KLF3: variants seen among roughly 807,000 people sequenced by gnomAD.
KLF3 encodes Krueppel-like factor 3.
KLF3 carries 6 observed loss-of-function variants against 32.7 expected under a neutral mutation model. That is an observed-to-expected ratio of 0.18 (90% CI 0.10 to 0.36). The LOEUF (loss-of-function observed/expected upper bound fraction) is 0.36, where lower values mean the gene tolerates loss of function less well. KLF3 is among the 10% of genes least tolerant of loss of function. The probability of loss-of-function intolerance (pLI) is 1.00; values close to 1 mark genes in which losing one functional copy is unlikely to be tolerated. For synonymous variants in KLF3, 145 were observed against 172.8 expected (o/e 0.84, Z 1.26); for missense variants, 338 against 449.7 (o/e 0.75, Z 2.25).
At chr4:38,680,565 G>A (rs1394003261) in intron 1 of KLF3, 22 bp from the exon 2 acceptor site, 13 of 1,229,266 alleles carry the variant, frequency 1.1e-5, no homozygotes, top group Non-Finnish European at 1.6e-5. Flanking sequence ...GACTTAGATG[G>A]ATACCTTGTT....
At chr4:38,667,058 G>A (rs751868572) in intron 1 of KLF3, among the ~76,000 whole-genome samples, 4 of 152,186 alleles carry the variant, frequency 2.6e-5, no homozygotes, top group Non-Finnish European at 4.4e-5. Context: ...CACTTATGAT[G>A]TTTACTGTAT....
rs2069578540 is a variant in KLF3 at position 38,688,807 on chromosome 4, G to A, written c.280G>A (p.Gly94Arg). Residue 94 changes from glycine (G) to arginine (R), a missense_variant, in exon 3 of 6, where the codon GGG becomes AGG. Gly to Arg is a moderately radical substitution (Grantham distance 125). This residue lies in a region of KLF3 where 272 missense variants were observed against 313.4 expected (regional missense o/e 0.87). Transcript: ENST00000261438. The surrounding 1 kb of genome is among the most constrained non-coding windows in gnomAD (Gnocchi z 4.9). ...FPSSHRRASP[G>R]LSMPSSSPPI... ...GTCCTCACACCGGAGAGCCTCGCCTGGGTTGAGCATGCCTTCTTCCAGCCC... is the reference window on the plus strand; with the variant it reads ...GTCCTCACACCGGAGAGCCTCGCCTAGGTTGAGCATGCCTTCTTCCAGCCC... 2 of 1,614,086 alleles carry A rather than the reference G, an allele frequency of 1.2e-6. No homozygotes were observed. Among genetic ancestry groups the A allele is most frequent in the African/African-American group, 1.3e-5 (1 of 74,928 alleles).
intron 5 of KLF3, among the ~76,000 whole-genome samples, chr4:38,696,040 T>C (rs779098853): frequency 2.0e-5 from 3 of 152,026 alleles, no homozygotes; most frequent in Non-Finnish European, 4.4e-5. Flanking sequence ...TAGCCTTGTA[T>C]CTAGAGCAAC....
intron 4 of KLF3, among the ~76,000 whole-genome samples, chr4:38,693,117 CATAT>C (rs3841982): frequency 1.4e-5 from 2 of 137,972 alleles, no homozygotes; most frequent in African/African-American, 2.7e-5. Flanking sequence ...CATATATATA[CATAT>C]ATATATACGT....
intron 1 of KLF3, among the ~76,000 whole-genome samples, chr4:38,675,591 C>T (rs1476741545): frequency 6.6e-6 from 1 of 152,086 alleles, no homozygotes; most frequent in Admixed American, 6.5e-5. Context: ...CTGTGATACC[C>T]ACATAAAATG....
chr4:38,688,728 C>T lies in KLF3; in HGVS notation c.201C>T (p.Asn67=), dbSNP rs1310677506. 6.2e-7 allele frequency: 1 copy of T among 1,614,208 alleles called. No homozygotes were observed. The highest frequency in any genetic ancestry group is 8.5e-7 in the Non-Finnish European group (1 of 1,180,038). ...IQMEPVDLTV[N]KRSSPPSAGN... ...TGGAGCCAGTGGACCTCACGGTGAACAAGCGGAGTTCACCCCCTTCGGCTG... is the reference window on the plus strand; with the variant it reads ...TGGAGCCAGTGGACCTCACGGTGAATAAGCGGAGTTCACCCCCTTCGGCTG... The change falls in exon 3 of 6, where the codon AAC becomes AAT. Residue 67 remains asparagine (N), a synonymous_variant. Transcript: ENST00000261438. The surrounding 1 kb of genome is among the most constrained non-coding windows in gnomAD (Gnocchi z 4.9).
rs1277686531 is a variant in KLF3 at position 38,700,851 on chromosome 4, ATCTT to A, written c.*3593_*3596del. 6.6e-6 allele frequency: 1 copy of A among 152,222 alleles called. No homozygotes were observed. Among genetic ancestry groups the A allele is most frequent in the Non-Finnish European group, 1.5e-5 (1 of 68,036 alleles). The allele number at this position is 152,222 out of a possible 1,614,324, so 9.4% of individuals were successfully genotyped here. ...TTGCAGATACTGAAACATTTTGGTA[ATCTT>A]TCTTACTAAAGATGTGAATGTTTAA... On this transcript the variant is annotated 3_prime_UTR_variant, in exon 6 of 6. Coordinates refer to ENST00000261438, the MANE Select transcript of KLF3 (RefSeq NM_016531.6).
intron 2 of KLF3, among the ~76,000 whole-genome samples, chr4:38,686,526 T>C (rs1186637464): frequency 1.3e-5 from 2 of 151,962 alleles, no homozygotes; most frequent in African/African-American, 2.4e-5. Flanking sequence ...TTTATCTCTG[T>C]CATTTAGAGC....
Position 38,697,077 on chromosome 4 carries a change from TGCAG to T in KLF3, c.857-3_857del. On this transcript the variant is annotated splice_acceptor_variant and splice_polypyrimidine_tract_variant and intron_variant, in intron 5 of 5. Transcript: ENST00000261438. LOFTEE classifies it high-confidence loss of function. Reference sequence around the variant, plus strand: ...AAAATAGCTCTTTTCTTTTTCCTTTTGCAGGAGAAAAACCCTACAAATGTACATG... The same window carrying T: ...AAAATAGCTCTTTTCTTTTTCCTTTTGAGAAAAACCCTACAAATGTACATG... 1 of 1,571,766 alleles carries T rather than the reference TGCAG, an allele frequency of 6.4e-7. No individual in the cohort carries two copies. Among genetic ancestry groups the T allele is most frequent in the African/African-American group, 1.4e-5 (1 of 72,844 alleles).
At chr4:38,696,913 ATTAG>A (rs748133516) in intron 5 of KLF3, among the ~76,000 whole-genome samples, 165 bp from the exon 6 acceptor site, 28 of 152,336 alleles carry the variant, frequency 1.8e-4, no homozygotes, top group Non-Finnish European at 3.1e-4. Context: ...ACATTACGGT[ATTAG>A]TTCATTTTCT....
chr4:38,676,348 G>A (rs1722348916), intron 1 of KLF3, among the ~76,000 whole-genome samples: 2 of 152,218 alleles, frequency 1.3e-5, no homozygotes, highest in Admixed American at 1.3e-4. Context: ...GGCTGAGGCA[G>A]AAGAATCCCT....
intron 4 of KLF3, among the ~76,000 whole-genome samples, chr4:38,692,693 T>C (rs1028479001): frequency 6.6e-6 from 1 of 152,122 alleles, no homozygotes; most frequent in African/African-American, 2.4e-5. Context: ...TGCACCTTTA[T>C]GTGTAAAATA....
Position 38,698,458 on chromosome 4 carries a change from A to G in KLF3, c.*1195A>G, listed in dbSNP as rs1337566888. On this transcript the variant is annotated 3_prime_UTR_variant, in exon 6 of 6. Transcript: ENST00000261438. The stretch of plus-strand genomic sequence containing the variant: ...ACCATAAAGCATCTGCTAATGCTTT[A>G]ATGGATTGATTCAATTAAGACCTGA... 6.6e-6 allele frequency: 1 copy of G among 152,650 alleles called. No homozygotes were observed. The highest frequency in any genetic ancestry group is 2.4e-5 in the African/African-American group (1 of 41,452). The allele number at this position is 152,650 out of a possible 1,614,324, so 9.5% of individuals were successfully genotyped here.
Position 38,688,707 on chromosome 4 carries a change from G to A in KLF3, c.180G>A (p.Glu60=), listed in dbSNP as rs148740827. 17 of 1,614,098 alleles carry A rather than the reference G, an allele frequency of 1.1e-5. No homozygotes were observed. Among genetic ancestry groups the A allele is most frequent in the Non-Finnish European group, 5.1e-6 (6 of 1,180,046 alleles). ...GTCTGTCGCACGGAATACAGATGGAGCCAGTGGACCTCACGGTGAACAAGC... is the reference window on the plus strand; with the variant it reads ...GTCTGTCGCACGGAATACAGATGGAACCAGTGGACCTCACGGTGAACAAGC... ...PEGLSHGIQM[E]PVDLTVNKRS... The change falls in exon 3 of 6, where the codon GAG becomes GAA. Residue 60 remains glutamate, a synonymous_variant. Transcript: ENST00000261438. The surrounding 1 kb of genome is among the most constrained non-coding windows in gnomAD (Gnocchi z 4.9).
At chr4:38,689,350 AATACCAAC>A (rs1397273458) in intron 3 of KLF3, among the ~76,000 whole-genome samples, 1 of 152,240 alleles carries the variant, frequency 6.6e-6, no homozygotes, top group Non-Finnish European at 1.5e-5. Flanking sequence ...TGCTTTCTTG[AATACCAAC>A]ATGGTTCTAG....
intron 5 of KLF3, among the ~76,000 whole-genome samples, chr4:38,696,186 G>GAAAAAAAAAAAAAAAA (rs57996051): frequency 3.0e-5 from 3 of 99,266 alleles, no homozygotes; most frequent in Non-Finnish European, 5.8e-5. Context: ...TTAGATGTAG[G>GAAAAAAAAAAAAAAAA]AAAAAAAAAA....
At chr4:38,693,075 T>C (rs865897606) in intron 4 of KLF3, among the ~76,000 whole-genome samples, 38 of 142,464 alleles carry the variant, frequency 2.7e-4, no homozygotes, top group African/African-American at 7.2e-4. Context: ...TGTATATATA[T>C]ACACATATAT....
intron 1 of KLF3, among the ~76,000 whole-genome samples, chr4:38,669,115 A>G (rs1477535701): frequency 1.3e-5 from 2 of 151,246 alleles, no homozygotes; most frequent in African/African-American, 2.4e-5. Context: ...GAGTTTAAGA[A>G]AAATAAAATA....
chr4:38,670,817 T>A (rs1486995338), intron 1 of KLF3, among the ~76,000 whole-genome samples: 1 of 152,284 alleles, frequency 6.6e-6, no homozygotes, highest in East Asian at 1.9e-4. Flanking sequence ...TATCCTAGCA[T>A]GTGAGAAGTG....
Sources: allele counts gnomAD v4.1 joint callset (sites outside exome capture counted in the v4.1 genomes callset), GRCh38; gene constraint gnomAD v4.1.1; regional missense constraint gnomAD v4.1.1; non-coding constraint Gnocchi (gnomAD v3.1); transcripts MANE v1.5; gene names NCBI Gene and HGNC (gene_info 2026-07-23, HGNC 2026-07-21).